Variants in RIN3 observed in about 807,000 individuals in gnomAD.
The protein encoded by RIN3 is RAB5 interacting protein 3.
Under a neutral mutation model 76.3 loss-of-function variants are expected in RIN3, and 54 were observed. The ratio of observed to expected loss-of-function variants is 0.71; its 90% confidence interval spans 0.57 to 0.89. The LOEUF (loss-of-function observed/expected upper bound fraction) is 0.89, where lower values mean the gene tolerates loss of function less well. Among genes scored for constraint, RIN3 ranks in the 40% least tolerant of loss-of-function variants. RIN3 has a pLI of 0.00. For missense variants in RIN3, 1,256 were observed against 1,322.1 expected (o/e 0.95, Z 0.78); for synonymous variants, 576 against 564.0 (o/e 1.02, Z -0.30).
intron 4 of RIN3, among the ~76,000 whole-genome samples, chr14:92,636,549 A>T (rs193051294): frequency 6.6e-6 from 1 of 152,092 alleles, no homozygotes; most frequent in Non-Finnish European, 1.5e-5. Context: ...ATGTCATTGT[A>T]CTCCAGCCTG....
At chr14:92,627,978 A>G (rs748500953) in intron 4 of RIN3, among the ~76,000 whole-genome samples, 1 of 152,372 alleles carries the variant, frequency 6.6e-6, no homozygotes, top group Non-Finnish European at 1.5e-5. Flanking sequence ...TCCCTGAAGC[A>G]GACCCTGTTC....
At chr14:92,659,668 T>G in intron 7 of RIN3, 199 bp downstream of exon 7, 1 of 493,708 alleles carries the variant, frequency 2.0e-6, no homozygotes, top group South Asian at 3.8e-5. Context: ...AGGAGAGCCA[T>G]GATCGGCTGT....
At chr14:92,587,702 C>T (rs993932394) in intron 3 of RIN3, among the ~76,000 whole-genome samples, 1 of 151,752 alleles carries the variant, frequency 6.6e-6, no homozygotes, top group Non-Finnish European at 1.5e-5. Context: ...GCACAGACAC[C>T]CCTCTTTTGG....
chr14:92,661,742 CACACACACACACACACAA>C (rs1162907216), intron 7 of RIN3, among the ~76,000 whole-genome samples: 3 of 131,544 alleles, frequency 2.3e-5, no homozygotes, highest in Non-Finnish European at 5.0e-5. Flanking sequence ...CACACACACA[CACACACACACACACACAA>C]AAAATAGAAT....
At chr14:92,649,700 G>A (rs1887339164) in intron 5 of RIN3, among the ~76,000 whole-genome samples, 2 of 152,210 alleles carry the variant, frequency 1.3e-5, no homozygotes. Flanking sequence ...CCAGGCCCTG[G>A]GAGAGGCCGC....
intron 8 of RIN3, among the ~76,000 whole-genome samples, chr14:92,684,552 C>CA (rs1343033900): frequency 6.6e-6 from 1 of 151,978 alleles, no homozygotes; most frequent in Non-Finnish European, 1.5e-5. Context: ...ATCATGAAGT[C>CA]AAAAAATCAT....
intron 6 of RIN3, among the ~76,000 whole-genome samples, chr14:92,657,077 G>C (rs1309659351): frequency 6.6e-6 from 1 of 152,214 alleles, no homozygotes; most frequent in Non-Finnish European, 1.5e-5. Flanking sequence ...GGCCAGACAG[G>C]GCGGGGTGTG....
At chr14:92,552,514 G>C (rs1355220192) in intron 1 of RIN3, among the ~76,000 whole-genome samples, 1 of 152,134 alleles carries the variant, frequency 6.6e-6, no homozygotes, top group Non-Finnish European at 1.5e-5. Context: ...TGTGGCTCCA[G>C]ATGCTCATGG....
intron 1 of RIN3, among the ~76,000 whole-genome samples, chr14:92,535,108 C>T (rs1042910183): frequency 1.3e-5 from 2 of 152,164 alleles, no homozygotes; most frequent in African/African-American, 4.8e-5. Context: ...TTACGATTCC[C>T]CGATCCTCAC....
Position 92,582,442 on chromosome 14 carries a change from C to CTTTTTTTTTT in RIN3, c.367+4975_367+4984dup, listed in dbSNP as rs35072092. ...TGTGGTTTTGCTGTTTCCTTTTTTA[C>CTTTTTTTTTT]TTTTTTTTTTTTTTTTTTTCCCTGA... On this transcript the variant is annotated intron_variant, in intron 3 of 9. Transcript: ENST00000216487. 5.3e-4 allele frequency among the ~76,000 whole-genome samples: 62 copies of CTTTTTTTTTT among 117,508 alleles called. 2 individuals carry two copies. The highest frequency in any genetic ancestry group is 7.7e-4 in the Non-Finnish European group (46 of 59,584). The allele number at this position is 117,508 out of a possible 152,430, so 77.1% of individuals were successfully genotyped here. A position where few individuals can be genotyped will look rare whatever the true frequency, so the allele number is the denominator to read the frequency against.
At chr14:92,567,624 A>AT (rs34729914) in intron 2 of RIN3, among the ~76,000 whole-genome samples, 25,445 of 133,432 alleles carry the variant, frequency 0.19, 2,855 homozygotes, top group East Asian at 0.46. Flanking sequence ...CTTCTGCTGC[A>AT]TTTTTTTTTT....
chr14:92,662,029 G>A (rs749052019), intron 7 of RIN3, among the ~76,000 whole-genome samples: 9 of 152,330 alleles, frequency 5.9e-5, no homozygotes, highest in East Asian at 3.9e-4. Flanking sequence ...GGGGGACAGC[G>A]GACAGCCTGC....
At chr14:92,678,202 C>CCACCCACCCATT (rs1247348605) in intron 8 of RIN3, among the ~76,000 whole-genome samples, 1 of 150,696 alleles carries the variant, frequency 6.6e-6, no homozygotes, top group Non-Finnish European at 1.5e-5. Context: ...ATCCATCCAT[C>CCACCCACCCATT]CACCCACCCA....
rs142029908 is a variant in RIN3, at chr14:92,525,517, G to C, written c.44+11541G>C. Among the ~76,000 whole-genome samples, 18 of 152,238 alleles carry C rather than the reference G, an allele frequency of 1.2e-4. No individual in the cohort carries two copies. In the East Asian group the frequency reaches 3.1e-3, roughly 26 times the overall value. On this transcript the variant is annotated intron_variant, in intron 1 of 9. Coordinates refer to ENST00000216487, the MANE Select transcript of RIN3 (RefSeq NM_024832.5). Reference sequence around the variant, plus strand: ...ATATGGTGTGTTGATGCCAAAGAGGGGGGTGAAAGGGAAGTGCCCAGGACA... The same window carrying C: ...ATATGGTGTGTTGATGCCAAAGAGGCGGGTGAAAGGGAAGTGCCCAGGACA...
chr14:92,559,622 G>A lies in RIN3; in HGVS notation c.249+3667G>A, dbSNP rs1343318060. On this transcript the variant is annotated intron_variant, in intron 2 of 9. Coordinates refer to ENST00000216487, the MANE Select transcript of RIN3 (RefSeq NM_024832.5). ...AGTGCTCTGTGAAAGGCAGGGCAGC[G>A]AGTTACCTGGAGCAGGAAGAGAGCA... Among the ~76,000 whole-genome samples the A allele has an allele frequency of 7.2e-5, 11 of 152,202 alleles. No homozygotes were observed. In the South Asian group the frequency reaches 1.4e-3, roughly 20 times the overall value.
rs991898478 is a variant in RIN3, at chr14:92,628,529, G to T, written c.441-12709G>T. ...TTTCCATGTGTTCCCTCCAGAGCCT[G>T]CTATGAGCTTTCCTTTGGTACCTGG... On this transcript the variant is annotated intron_variant, in intron 4 of 9. Transcript: ENST00000216487. Among the ~76,000 whole-genome samples the T allele has an allele frequency of 2.0e-5, 3 of 152,146 alleles. No individual in the cohort carries two copies. The South Asian group carries it at 6.2e-4, about 32-fold the overall frequency.
Position 92,641,479 on chromosome 14 carries a change from G to A in RIN3, c.532+150G>A, listed in dbSNP as rs139811084. ...CCCCTGCCTCAGGCTGCTGAGCCAC[G>A]TGATAGAGAGATTGTCCAGTTTCTA... On this transcript the variant is annotated intron_variant, in intron 5 of 9. Transcript: ENST00000216487. The A allele has an allele frequency of 3.2e-3, 2,038 of 629,620 alleles. 36 individuals carry two copies. In the African/African-American group the frequency reaches 0.034, roughly 11 times the overall value. 39.0% of individuals were successfully genotyped at this position (629,620 alleles called of 1,614,324 possible).
chr14:92,661,723 TCACACACACA>T (rs778646491), intron 7 of RIN3, among the ~76,000 whole-genome samples: 4 of 134,878 alleles, frequency 3.0e-5, no homozygotes, highest in Non-Finnish European at 4.7e-5. Flanking sequence ...TGAGACTCTG[TCACACACACA>T]CACACACACA....
At chr14:92,558,034 G>A (rs1335323315) in intron 2 of RIN3, among the ~76,000 whole-genome samples, 2 of 152,198 alleles carry the variant, frequency 1.3e-5, no homozygotes, top group African/African-American at 2.4e-5. Context: ...TGACTGCTCT[G>A]TCAAAAGATT....
Sources: gnomAD v4.1 joint callset for allele counts (sites outside exome capture counted in the v4.1 genomes callset) on GRCh38, gnomAD v4.1.1 for gene constraint, MANE v1.5 for transcripts, NCBI Gene and HGNC (gene_info 2026-07-23, HGNC 2026-07-21) for gene names.